The following FAM98C variants were observed in gnomAD, a reference collection of about 807,000 sequenced individuals.
The protein encoded by FAM98C is protein FAM98C.
Under a neutral mutation model 41.1 loss-of-function variants are expected in FAM98C, and 38 were observed. The observed-to-expected ratio is 0.92, with a 90% CI of 0.71 to 1.21. FAM98C has a LOEUF of 1.21. Ranked by LOEUF, FAM98C falls within the 50% of genes most tolerant of loss-of-function variation. The probability of loss-of-function intolerance (pLI) is 0.00; values close to 1 mark genes in which losing one functional copy is unlikely to be tolerated. For synonymous variants in FAM98C, 195 were observed against 216.7 expected, an observed-to-expected ratio of 0.90 and a Z score of 0.88; for missense variants, 493 against 484.7, an observed-to-expected ratio of 1.02 and a Z score of -0.16.
In FAM98C at chr19:38,404,931, G is replaced by A; in HGVS notation, c.373G>A (p.Ala125Thr). 1.2e-6 allele frequency: 2 copies of A among 1,614,122 alleles called. No individual in the cohort carries two copies. Among genetic ancestry groups the A allele is most frequent in the Non-Finnish European group, 1.7e-6 (2 of 1,180,026 alleles). ...AGGCTTTCTCTGCTCAGAGCTCCAA[G>A]CCACCCGCCTCCTGTGCCTCCGCTC... ...LLRFLCSELQ[A>T]TRLLCLRSLL... The change falls in exon 4 of 8, where the codon GCC becomes ACC. Residue 125 changes from alanine to threonine, a missense_variant. Ala to Thr is a moderately conservative substitution (Grantham distance 58). Coordinates refer to ENST00000252530, the MANE Select transcript of FAM98C (RefSeq NM_174905.4).
At position 38,403,502 on chromosome 19, in the gene FAM98C, G is replaced by T; in HGVS notation, c.214+16G>T. Reference sequence around the variant, plus strand: ...GCCGGCGACGGTAAACACGGAGCGGGAGGGTGGCAGGGGGGCCGCCACGGG... The same window carrying T: ...GCCGGCGACGGTAAACACGGAGCGGTAGGGTGGCAGGGGGGCCGCCACGGG... On this transcript the variant is annotated intron_variant, in intron 2 of 7. Coordinates refer to ENST00000252530, the MANE Select transcript of FAM98C (RefSeq NM_174905.4). 7.0e-7 allele frequency: 1 copy of T among 1,418,586 alleles called. No individual in the cohort carries two copies. Among genetic ancestry groups the T allele is most frequent in the Non-Finnish European group, 9.1e-7 (1 of 1,096,004 alleles). The allele number at this position is 1,418,586 out of a possible 1,614,324, so 87.9% of individuals were successfully genotyped here.
rs1421822395 is a variant in FAM98C, at chr19:38,407,237, C to T, written c.918+160C>T. ...TCACACAAAAACTGACTGTGGACTC[C>T]CCAGCTCAGAATGCTTCCGTGGCTC... is the stretch of plus-strand genomic sequence containing the variant. On this transcript the variant is annotated intron_variant, in intron 7 of 7. Coordinates refer to ENST00000252530, the MANE Select transcript of FAM98C (RefSeq NM_174905.4). The T allele has an allele frequency of 7.9e-6, 6 of 756,700 alleles. No homozygotes were observed. The African/African-American group carries it at 8.8e-5, about 11-fold the overall frequency. The allele number at this position is 756,700 out of a possible 1,614,324, so 46.9% of individuals were successfully genotyped here.
In FAM98C at chr19:38,404,931, G is replaced by C; in HGVS notation, c.373G>C (p.Ala125Pro). 1 of 1,614,122 alleles carries C rather than the reference G, an allele frequency of 6.2e-7. No homozygotes were observed. The highest frequency in any genetic ancestry group is 8.5e-7 in the Non-Finnish European group (1 of 1,180,026). Residue 125 changes from alanine (A) to proline (P), a missense_variant, in exon 4 of 8, where the codon GCC (alanine) becomes CCC (proline). By Grantham distance (27) the Ala-to-Pro change is conservative (BLOSUM62 -1). Coordinates refer to ENST00000252530, the MANE Select transcript of FAM98C (RefSeq NM_174905.4). ...LLRFLCSELQ[A>P]TRLLCLRSLL... ...AGGCTTTCTCTGCTCAGAGCTCCAA[G>C]CCACCCGCCTCCTGTGCCTCCGCTC...
intron 3 of FAM98C, 23 bp downstream of exon 3, chr19:38,403,717 G>A (rs762523523): frequency 7.2e-7 from 1 of 1,394,468 alleles, no homozygotes; most frequent in Non-Finnish European, 9.2e-7. Context: ...ATGCAGAAGT[G>A]GCAAGGCCAT....
In FAM98C at chr19:38,403,588, G is replaced by A; in HGVS notation, c.243G>A (p.Arg81=). The part of the protein sequence containing the change: ...DGPGAEEDFL[R]QLGSLLRELH... Reference sequence around the variant, plus strand: ...CTGGCGCGGAGGAGGACTTTCTGCGGCAGCTCGGCAGCCTGCTGCGGGAGC... The same window carrying A: ...CTGGCGCGGAGGAGGACTTTCTGCGACAGCTCGGCAGCCTGCTGCGGGAGC... Residue 81 remains arginine (R), a synonymous_variant, in exon 3 of 8, where the codon CGG becomes CGA. Coordinates refer to ENST00000252530, the MANE Select transcript of FAM98C (RefSeq NM_174905.4). The A allele has an allele frequency of 1.3e-6, 2 of 1,498,302 alleles. No homozygotes were observed. Among genetic ancestry groups the A allele is most frequent in the Non-Finnish European group, 1.8e-6 (2 of 1,133,808 alleles). 92.8% of individuals were successfully genotyped at this position (1,498,302 alleles called of 1,614,324 possible). A position where few individuals can be genotyped will look rare whatever the true frequency, so the allele number is the denominator to read the frequency against.
At chr19:38,404,495 A>C (rs1205797630) in intron 3 of FAM98C, among the ~76,000 whole-genome samples, 1 of 151,704 alleles carries the variant, frequency 6.6e-6, no homozygotes, top group Non-Finnish European at 1.5e-5. Flanking sequence ...GGCATGAGCC[A>C]CTGTGCCTGG....
chr19:38,407,390 A>T (rs921437250), intron 7 of FAM98C: 1 of 279,522 alleles, frequency 3.6e-6, no homozygotes, highest in Non-Finnish European at 7.1e-6. Context: ...TTTTTTTTCA[A>T]GACAGAGTCT....
Position 38,405,092 on chromosome 19 carries a change from G to A in FAM98C, c.534G>A (p.Leu178=). The A allele has an allele frequency of 6.2e-7, 1 of 1,610,944 alleles. No homozygotes were observed. The highest frequency in any genetic ancestry group is 8.5e-7 in the Non-Finnish European group (1 of 1,177,792). ...RPAPGTPASQ[L]LQELHAKISE... Reference sequence around the variant, plus strand: ...CACCAGGGACCCCCGCCAGCCAGCTGCTGCAGGAGTTGCATGCTAAGGTAG... The same window carrying A: ...CACCAGGGACCCCCGCCAGCCAGCTACTGCAGGAGTTGCATGCTAAGGTAG... The change falls in exon 4 of 8, where the codon CTG becomes CTA. Residue 178 remains leucine, a synonymous_variant. Transcript: ENST00000252530.
At chr19:38,408,471 A>C in intron 7 of FAM98C, 1 of 328,100 alleles carries the variant, frequency 3.0e-6, no homozygotes. Context: ...AGGCAGGAGA[A>C]TCTCTTGAAC....
chr19:38,403,634 C>A lies in FAM98C; in HGVS notation c.289C>A (p.Leu97Ile). 1.4e-6 allele frequency: 2 copies of A among 1,443,464 alleles called. No individual in the cohort carries two copies. The highest frequency in any genetic ancestry group is 1.8e-6 in the Non-Finnish European group (2 of 1,110,640). The allele number at this position is 1,443,464 out of a possible 1,614,324, so 89.4% of individuals were successfully genotyped here. The change falls in exon 3 of 8, where the codon CTC becomes ATC. Residue 97 changes from leucine (L) to isoleucine (I), a missense_variant. Transcript: ENST00000252530. Reference sequence around the variant, plus strand: ...GGAGCTGCACTGCCCGGATCGCGCGCTCTGCGGCGGGGATGGCGCGGCTGC... The same window carrying A: ...GGAGCTGCACTGCCCGGATCGCGCGATCTGCGGCGGGGATGGCGCGGCTGC... Reference protein sequence around the residue: ...LRELHCPDRALCGGDGAAALR... With the variant: ...LRELHCPDRAICGGDGAAALR...
Position 38,406,938 on chromosome 19 carries a change from T to C in FAM98C, c.779T>C (p.Leu260Pro). ...CAAGGAGAGGCCATGAGGGCAGTGC[T>C]GATCCCAATTCGAGAGGTTCTGACC... ...EAQGEAMRAV[L>P]IPIREVLTPE... The change falls in exon 7 of 8, where the codon CTG becomes CCG. Residue 260 changes from leucine to proline, a missense_variant. Coordinates refer to ENST00000252530, the MANE Select transcript of FAM98C (RefSeq NM_174905.4). 1 of 1,614,192 alleles carries C rather than the reference T, an allele frequency of 6.2e-7. No individual in the cohort carries two copies. Among genetic ancestry groups the C allele is most frequent in the Non-Finnish European group, 8.5e-7 (1 of 1,180,026 alleles).
Position 38,405,115 on chromosome 19 carries a change from TAG to T in FAM98C, c.555+7_555+8del, listed in dbSNP as rs780619062. ...CTGCTGCAGGAGTTGCATGCTAAGG[TAG>T]AGAGTCAGAGTCCCCTCCCGACCTG... On this transcript the variant is annotated splice_donor_region_variant and intron_variant, in intron 4 of 7. Coordinates refer to ENST00000252530, the MANE Select transcript of FAM98C (RefSeq NM_174905.4). The T allele has an allele frequency of 8.7e-6, 14 of 1,606,074 alleles. No individual in the cohort carries two copies. The African/African-American group carries it at 1.7e-4, about 20-fold the overall frequency.
intron 6 of FAM98C, 124 bp downstream of exon 6, chr19:38,405,759 A>G (rs1381488957): frequency 6.5e-6 from 6 of 925,874 alleles, no homozygotes; most frequent in Non-Finnish European, 9.9e-6. Flanking sequence ...TGGACATTTT[A>G]TAATTTTTTG....
chr19:38,405,275 G>T, intron 4 of FAM98C, 69 bp from the exon 5 acceptor site: 1 of 1,567,794 alleles, frequency 6.4e-7, no homozygotes, highest in East Asian at 2.3e-5. Context: ...TCAGGGGTGT[G>T]GGGAGCTGAG....
Position 38,405,514 on chromosome 19 carries a change from C to A in FAM98C, c.634-5C>A. ...CTAGCCTGACCTTGAGACCTTTTCT[C>A]CCAGGAAGCGTTGGAGTCTCTGTCC... On this transcript the variant is annotated splice_region_variant and splice_polypyrimidine_tract_variant and intron_variant, in intron 5 of 7. Transcript: ENST00000252530. The A allele has an allele frequency of 1.2e-6, 2 of 1,614,168 alleles. No individual in the cohort carries two copies. Among genetic ancestry groups the A allele is most frequent in the Admixed American group, 3.3e-5 (2 of 60,006 alleles).
chr19:38,408,908 G>C lies in FAM98C; in HGVS notation c.*26G>C. 1 of 1,540,928 alleles carries C rather than the reference G, an allele frequency of 6.5e-7. No homozygotes were observed. Among genetic ancestry groups the C allele is most frequent in the Non-Finnish European group, 8.7e-7 (1 of 1,149,390 alleles). On this transcript the variant is annotated 3_prime_UTR_variant, in exon 8 of 8. Coordinates refer to ENST00000252530, the MANE Select transcript of FAM98C (RefSeq NM_174905.4). The stretch of plus-strand genomic sequence containing the variant: ...AGGGGGACTGGTGGTCGGGGGCGGG[G>C]GGTCCTCCATGAGATGCTAATGCTA...
In FAM98C at chr19:38,408,738, CAT is replaced by C. The variant is rs767201174; in HGVS notation, c.919-11_919-10del. 2 of 1,613,954 alleles carry C rather than the reference CAT, an allele frequency of 1.2e-6. No individual in the cohort carries two copies. Among genetic ancestry groups the C allele is most frequent in the African/African-American group, 2.7e-5 (2 of 74,912 alleles). On this transcript the variant is annotated splice_polypyrimidine_tract_variant and intron_variant, in intron 7 of 7. Transcript: ENST00000252530. Reference sequence around the variant, plus strand: ...CTTTTTTTCTCTGCAACTCAAATCTCATAAACTCTCAGGTGCTTATGGGCAAC... The same window carrying C: ...CTTTTTTTCTCTGCAACTCAAATCTCAAACTCTCAGGTGCTTATGGGCAAC...
Position 38,406,964 on chromosome 19 carries a change from C to A in FAM98C, c.805C>A (p.Pro269Thr), listed in dbSNP as rs1971048223. The A allele has an allele frequency of 6.2e-7, 1 of 1,614,028 alleles. No individual in the cohort carries two copies. The highest frequency in any genetic ancestry group is 1.3e-5 in the African/African-American group (1 of 74,908). Residue 269 changes from proline to threonine, a missense_variant, in exon 7 of 8, where the codon CCA becomes ACA. Physicochemically the swap from Pro to Thr is conservative, Grantham distance 38. Transcript: ENST00000252530. Reference protein sequence around the residue: ...VLIPIREVLTPESDISIAHVL... With the variant: ...VLIPIREVLTTESDISIAHVL... Reference sequence around the variant, plus strand: ...GATCCCAATTCGAGAGGTTCTGACCCCAGAATCGGACATCTCCATTGCACA... The same window carrying A: ...GATCCCAATTCGAGAGGTTCTGACCACAGAATCGGACATCTCCATTGCACA...
intron 3 of FAM98C, among the ~76,000 whole-genome samples, chr19:38,404,025 C>T (rs907266463): frequency 6.6e-6 from 1 of 152,056 alleles, no homozygotes; most frequent in Non-Finnish European, 1.5e-5. Context: ...CTCAGCCTCC[C>T]GAGTAGCTGG....
Sources: gnomAD v4.1 joint callset for allele counts (sites outside exome capture counted in the v4.1 genomes callset) on GRCh38, gnomAD v4.1.1 for gene constraint, MANE v1.5 for transcripts, NCBI Gene and HGNC (gene_info 2026-07-23, HGNC 2026-07-21) for gene names.